The following C3orf18 variants were observed in gnomAD, a reference collection of about 807,000 sequenced individuals.
C3orf18 encodes the protein chromosome 3 open reading frame 18.
A neutral mutation model predicts 14.1 loss-of-function variants in C3orf18; 12 were observed. That is an observed-to-expected ratio of 0.85 (90% CI 0.55 to 1.38). The LOEUF is 1.38. Among genes scored for constraint, C3orf18 ranks in the 40% most tolerant of loss-of-function variants. The pLI, the probability that C3orf18 is intolerant of heterozygous loss-of-function variation, is 0.00. For synonymous variants in C3orf18, 82 were observed against 87.9 expected (o/e 0.93, Z 0.38); for missense variants, 196 against 213.9 (o/e 0.92, Z 0.52).
chr3:50,565,604 G>A lies in C3orf18; in HGVS notation c.96C>T (p.Ser32=), dbSNP rs200572019. 3.1e-5 allele frequency: 50 copies of A among 1,613,882 alleles called. No homozygotes were observed. The African/African-American group carries it at 3.6e-4, about 12-fold the overall frequency. Residue 32 remains serine (S), a synonymous_variant, in exon 3 of 6, where the codon TCC becomes TCT. Transcript: ENST00000357203. The surrounding 1 kb of genome is among the most constrained non-coding windows in gnomAD (Gnocchi z 4.4). ...CCTCTGGGCTGAGGGTAGTGGTCTCGGAGGCTGGCCCATCTGTGGCAGGTT... is the reference window on the plus strand; with the variant it reads ...CCTCTGGGCTGAGGGTAGTGGTCTCAGAGGCTGGCCCATCTGTGGCAGGTT... ...DLEPATDGPA[S]ETTTLSPEAT...
Position 50,559,086 on chromosome 3 carries a change from ACCCTGGGTGTGAATTG to A in C3orf18, c.*555_*570del, listed in dbSNP as rs1234535104. 3 of 1,289,526 alleles carry A rather than the reference ACCCTGGGTGTGAATTG, an allele frequency of 2.3e-6. No homozygotes were observed. Among genetic ancestry groups the A allele is most frequent in the Non-Finnish European group, 3.0e-6 (3 of 988,844 alleles). The allele number at this position is 1,289,526 out of a possible 1,614,324, so 79.9% of individuals were successfully genotyped here. A position where few individuals can be genotyped will look rare whatever the true frequency, so the allele number is the denominator to read the frequency against. ...CCTGGACCCTCCGTAGTATGGATGG[ACCCTGGGTGTGAATTG>A]CCCTTCTCCTGGCATCCTTGCATAC... On this transcript the variant is annotated 3_prime_UTR_variant, in exon 6 of 6. Transcript: ENST00000357203.
chr3:50,565,620 G>C lies in C3orf18; in HGVS notation c.80C>G (p.Thr27Arg), dbSNP rs766488092. The C allele has an allele frequency of 6.2e-7, 1 of 1,613,828 alleles. No homozygotes were observed. The highest frequency in any genetic ancestry group is 8.5e-7 in the Non-Finnish European group (1 of 1,180,016). ...AGTGGTCTCGGAGGCTGGCCCATCT[G>C]TGGCAGGTTCCAGGTCAGACTCAGA... ...PTSESDLEPATDGPASETTTL... is the reference protein window; with the variant it reads ...PTSESDLEPARDGPASETTTL... The change falls in exon 3 of 6, where the codon ACA becomes AGA. Residue 27 changes from threonine to arginine, a missense_variant. Thr to Arg is a moderately conservative substitution (Grantham distance 71). Coordinates refer to ENST00000357203, the MANE Select transcript of C3orf18 (RefSeq NM_016210.5). This position sits in a 1 kb window ranked among gnomAD's most constrained non-coding sequence, Gnocchi z 4.4.
chr3:50,559,459 A>G lies in C3orf18; in HGVS notation c.*198T>C. The G allele has an allele frequency of 1.4e-6, 2 of 1,414,078 alleles. No individual in the cohort carries two copies. The highest frequency in any genetic ancestry group is 1.8e-6 in the Non-Finnish European group (2 of 1,084,462). The allele number at this position is 1,414,078 out of a possible 1,614,324, so 87.6% of individuals were successfully genotyped here. ...CTCAGGTCAGGAGAAGTCAGTGGTC[A>G]GAAGTCCAGCCTGGCTAGGGCCCTC... On this transcript the variant is annotated 3_prime_UTR_variant, in exon 6 of 6. Transcript: ENST00000357203.
Position 50,558,757 on chromosome 3 carries a change from T to C in C3orf18, c.*900A>G. On this transcript the variant is annotated 3_prime_UTR_variant, in exon 6 of 6. Coordinates refer to ENST00000357203, the MANE Select transcript of C3orf18 (RefSeq NM_016210.5). ...GAACCGTGCTGTGCGTGCTTCCCTCTTCCCTGCAGTCCCTGAAGATTGAAG... is the reference window on the plus strand; with the variant it reads ...GAACCGTGCTGTGCGTGCTTCCCTCCTCCCTGCAGTCCCTGAAGATTGAAG... 7.8e-7 allele frequency: 1 copy of C among 1,289,842 alleles called. No individual in the cohort carries two copies. The highest frequency in any genetic ancestry group is 1.0e-6 in the Non-Finnish European group (1 of 988,866). The allele number at this position is 1,289,842 out of a possible 1,614,324, so 79.9% of individuals were successfully genotyped here. A position where few individuals can be genotyped will look rare whatever the true frequency, so the allele number is the denominator to read the frequency against.
rs1228456658 is a variant in C3orf18 at position 50,559,129 on chromosome 3, G to A, written c.*528C>T. The A allele has an allele frequency of 7.8e-7, 1 of 1,289,784 alleles. No homozygotes were observed. Among genetic ancestry groups the A allele is most frequent in the Non-Finnish European group, 1.0e-6 (1 of 988,890 alleles). The allele number at this position is 1,289,784 out of a possible 1,614,324, so 79.9% of individuals were successfully genotyped here. On this transcript the variant is annotated 3_prime_UTR_variant, in exon 6 of 6. Transcript: ENST00000357203. ...CCTTCTCCTGGCATCCTTGCATACTGGACAGTTTCAGCTCCATCTCTGGGC... is the reference window on the plus strand; with the variant it reads ...CCTTCTCCTGGCATCCTTGCATACTAGACAGTTTCAGCTCCATCTCTGGGC...
chr3:50,571,493 A>T, upstream of C3orf18: 1 of 668,932 alleles, frequency 1.5e-6, no homozygotes, highest in Admixed American at 2.8e-5. Context: ...AGTTTGTTGG[A>T]TGAATGAATA....
chr3:50,566,384 C>T (rs1700296746), intron 1 of C3orf18, among the ~76,000 whole-genome samples: 1 of 152,092 alleles, frequency 6.6e-6, no homozygotes. Context: ...TCTCCGTTTT[C>T]CTGAGTCTAA....
At chr3:50,566,261 C>G (rs1193145259) in intron 1 of C3orf18, among the ~76,000 whole-genome samples, 167 bp from the exon 2 acceptor site, 2 of 151,788 alleles carry the variant, frequency 1.3e-5, no homozygotes, top group African/African-American at 4.8e-5. Flanking sequence ...AATACCACAG[C>G]TTTTTCCTTT....
At position 50,559,654 on chromosome 3, in the gene C3orf18, C is replaced by G. The variant is rs771323831; in HGVS notation, c.*3G>C. 1.3e-6 allele frequency: 2 copies of G among 1,573,474 alleles called. No individual in the cohort carries two copies. The highest frequency in any genetic ancestry group is 1.7e-6 in the Non-Finnish European group (2 of 1,158,306). On this transcript the variant is annotated 3_prime_UTR_variant, in exon 6 of 6. Transcript: ENST00000357203. Reference sequence around the variant, plus strand: ...TCAGAAGTCCAGGCTTGTCCCAGGCCACTCACGCATGGATGGCATTGGCCA... The same window carrying G: ...TCAGAAGTCCAGGCTTGTCCCAGGCGACTCACGCATGGATGGCATTGGCCA...
chr3:50,563,348 A>G (rs1330736210), intron 3 of C3orf18, among the ~76,000 whole-genome samples: 1 of 151,650 alleles, frequency 6.6e-6, no homozygotes. Context: ...CCCACCTCTC[A>G]GCCCTTGCCC....
At chr3:50,559,815 C>A (rs1699856102) in intron 5 of C3orf18, 78 bp from the exon 6 acceptor site, 4 of 860,990 alleles carry the variant, frequency 4.6e-6, no homozygotes, top group African/African-American at 3.5e-5. Flanking sequence ...TCCACCCTCA[C>A]TTCCTGGTGC....
At chr3:50,570,771 G>C (rs985374214), upstream of C3orf18, 1 of 218,482 alleles carries the variant, frequency 4.6e-6, no homozygotes, top group Non-Finnish European at 9.0e-6. Flanking sequence ...TGAAGAAAAC[G>C]TAAGTGGCCA....
upstream of C3orf18, among the ~76,000 whole-genome samples, chr3:50,568,366 G>A (rs1700508345): frequency 6.6e-6 from 1 of 152,144 alleles, no homozygotes; most frequent in Non-Finnish European, 1.5e-5. Flanking sequence ...TCACCGGGTA[G>A]CCTGGTACAA....
At position 50,559,691 on chromosome 3, in the gene C3orf18, A is replaced by G; in HGVS notation, c.455T>C (p.Val152Ala). Residue 152 changes from valine (V) to alanine (A), a missense_variant, in exon 6 of 6, where the codon GTG becomes GCG. Transcript: ENST00000357203. ...GATGGCATTGGCCACATCGGTAAAC[A>G]CCAGCCGGCTGGGTCTCTGCAGTGG... The part of the protein sequence containing the change: ...QGPLQRPSRL[V>A]FTDVANAIHA 6.3e-7 allele frequency: 1 copy of G among 1,595,784 alleles called. No homozygotes were observed. The highest frequency in any genetic ancestry group is 2.3e-5 in the East Asian group (1 of 44,072).
Position 50,565,486 on chromosome 3 carries a change from T to A in C3orf18, c.214A>T (p.Ile72Leu). Reference protein sequence around the residue: ...MLLSFGIITVIGLAVALVLYI... With the variant: ...MLLSFGIITVLGLAVALVLYI... ...CTCACCAAGGCCACAGCCAGGCCTA[T>A]CACCGTGATGATCCCAAAGGACAGA... is the stretch of plus-strand genomic sequence containing the variant. Residue 72 changes from isoleucine (I) to leucine (L), a missense_variant, in exon 3 of 6, where the codon ATA becomes TTA. Ile to Leu is a conservative substitution (Grantham distance 5, BLOSUM62 2). Transcript: ENST00000357203. The surrounding 1 kb of genome is among the most constrained non-coding windows in gnomAD (Gnocchi z 4.4). 1 of 1,613,938 alleles carries A rather than the reference T, an allele frequency of 6.2e-7. No individual in the cohort carries two copies. The highest frequency in any genetic ancestry group is 8.5e-7 in the Non-Finnish European group (1 of 1,179,956).
intron 3 of C3orf18, among the ~76,000 whole-genome samples, chr3:50,564,693 A>G (rs1700178529): frequency 6.6e-6 from 1 of 152,188 alleles, no homozygotes; most frequent in African/African-American, 2.4e-5. Flanking sequence ...GGTCCAGGGC[A>G]GGTACTCAGT....
chr3:50,566,451 A>T (rs1037309409), intron 1 of C3orf18, among the ~76,000 whole-genome samples: 2 of 152,070 alleles, frequency 1.3e-5, no homozygotes, highest in African/African-American at 4.8e-5. Context: ...ATGGCAGAAC[A>T]AACAGGTGTC....
chr3:50,572,026 C>A (rs1701034194), upstream of C3orf18: 4 of 1,582,622 alleles, frequency 2.5e-6, no homozygotes, highest in South Asian at 2.3e-5. Flanking sequence ...TTGCCTGATA[C>A]CTTTGGCCAC....
At chr3:50,568,737 A>AG (rs982890790), upstream of C3orf18, among the ~76,000 whole-genome samples, 7 of 151,260 alleles carry the variant, frequency 4.6e-5, no homozygotes, top group East Asian at 5.9e-4. Context: ...AAAAAAAAAA[A>AG]AAAAAAAAAG....
Sources: allele counts gnomAD v4.1 joint callset (sites outside exome capture counted in the v4.1 genomes callset), GRCh38; gene constraint gnomAD v4.1.1; non-coding constraint Gnocchi (gnomAD v3.1); transcripts MANE v1.5; gene names NCBI Gene and HGNC (gene_info 2026-07-23, HGNC 2026-07-21).